Variants in TMTC2 observed in about 807,000 individuals in gnomAD.
The protein encoded by TMTC2 is protein O-mannosyl-transferase TMTC2.
In TMTC2, 43 loss-of-function variants were observed where a neutral mutation model predicts 82.4. The ratio of observed to expected loss-of-function variants is 0.52; its 90% CI spans 0.41 to 0.67. The LOEUF is 0.67. Among genes scored for constraint, TMTC2 ranks in the 30% least tolerant of loss-of-function variants. TMTC2 has a pLI of 0.00. For synonymous variants in TMTC2, 408 were observed against 381.9 expected (o/e 1.07, Z -0.80); for missense variants, 919 against 1,012.4 (o/e 0.91, Z 1.25).
chr12:83,022,622 G>A (rs746516955), intron 8 of TMTC2, among the ~76,000 whole-genome samples: 13 of 151,944 alleles, frequency 8.6e-5, no homozygotes, highest in Non-Finnish European at 1.9e-4. Context: ...GTACTTAGAT[G>A]TACTGTGTTC....
chr12:82,805,028 T>C (rs1472458481), intron 1 of TMTC2, among the ~76,000 whole-genome samples: 1 of 152,100 alleles, frequency 6.6e-6, no homozygotes, highest in Non-Finnish European at 1.5e-5. Flanking sequence ...GGAGACAGGG[T>C]CATTTATAAC....
chr12:82,846,711 G>A (rs987003602), intron 1 of TMTC2, among the ~76,000 whole-genome samples: 4 of 152,088 alleles, frequency 2.6e-5, no homozygotes, highest in Non-Finnish European at 4.4e-5. Context: ...GTTATTCGGG[G>A]TCGCTGACCA....
chr12:83,000,210 C>A (rs1879854039), intron 8 of TMTC2, among the ~76,000 whole-genome samples: 1 of 152,102 alleles, frequency 6.6e-6, no homozygotes, highest in Non-Finnish European at 1.5e-5. Flanking sequence ...TCTTGGCTCA[C>A]TGCAACCTCC....
At chr12:82,823,439 G>T (rs1326582151) in intron 1 of TMTC2, among the ~76,000 whole-genome samples, 1 of 152,080 alleles carries the variant, frequency 6.6e-6, no homozygotes, top group African/African-American at 2.4e-5. Flanking sequence ...CACCTGCCAG[G>T]TATTACTTTT....
chr12:82,741,521 G>A (rs1875407452), intron 1 of TMTC2, among the ~76,000 whole-genome samples: 1 of 152,178 alleles, frequency 6.6e-6, no homozygotes, highest in South Asian at 2.1e-4. Context: ...ATGTTGGTCA[G>A]GCTGGTCTTG....
intron 1 of TMTC2, among the ~76,000 whole-genome samples, chr12:82,770,297 C>T (rs1397324398): frequency 1.3e-5 from 2 of 152,080 alleles, no homozygotes; most frequent in African/African-American, 4.8e-5. Context: ...CAATTTGCTT[C>T]TGGTCATTCT....
chr12:82,707,051 T>C (rs1873394824), intron 1 of TMTC2, among the ~76,000 whole-genome samples: 3 of 152,220 alleles, frequency 2.0e-5, no homozygotes, highest in South Asian at 4.1e-4. Flanking sequence ...TGGTTATAAG[T>C]GATTGTCTCA....
At chr12:82,825,051 G>C (rs1051166836) in intron 1 of TMTC2, among the ~76,000 whole-genome samples, 1 of 151,244 alleles carries the variant, frequency 6.6e-6, no homozygotes, top group African/African-American at 2.4e-5. Flanking sequence ...ATCGTGCCAC[G>C]GCATTCCAGT....
intron 1 of TMTC2, among the ~76,000 whole-genome samples, chr12:82,697,398 GT>G (rs891454723): frequency 6.7e-6 from 1 of 150,094 alleles, no homozygotes; most frequent in Non-Finnish European, 1.5e-5. Flanking sequence ...TTATTCCCAC[GT>G]ACAGCAGATG....
intron 11 of TMTC2, among the ~76,000 whole-genome samples, chr12:83,125,916 A>G (rs10082856): frequency 0.21 from 31,976 of 152,098 alleles, 3,461 homozygotes; most frequent in Middle Eastern, 0.32. Flanking sequence ...TAGCTAGCAA[A>G]GTCAAAGATC....
intron 7 of TMTC2, among the ~76,000 whole-genome samples, chr12:82,983,820 T>C (rs1879036400): frequency 6.6e-6 from 1 of 152,052 alleles, no homozygotes; most frequent in Non-Finnish European, 1.5e-5. Flanking sequence ...GGATATGTTT[T>C]CTCATTAATT....
At position 83,080,365 on chromosome 12, in the gene TMTC2, T is replaced by TTC. The variant is rs367851763; in HGVS notation, c.2331+18554_2331+18555dup. ...TTAAACCACTACTACAGATTCACCT[T>TTC]TCTCTCTCTCTCTCTCTCTCTGTGT... On this transcript the variant is annotated intron_variant, in intron 11 of 11. Transcript: ENST00000321196. Among the ~76,000 whole-genome samples, 691 of 150,280 alleles carry TTC rather than the reference T, an allele frequency of 4.6e-3. 13 individuals carry two copies. Among genetic ancestry groups the TTC allele is most frequent in the Non-Finnish European group, 1.0e-3 (68 of 67,350 alleles).
At chr12:83,120,630 A>G (rs902971634) in intron 11 of TMTC2, among the ~76,000 whole-genome samples, 1 of 152,164 alleles carries the variant, frequency 6.6e-6, no homozygotes, top group Admixed American at 6.5e-5. Context: ...CAGTGTGCCT[A>G]GGTGATGATC....
intron 1 of TMTC2, among the ~76,000 whole-genome samples, chr12:82,762,894 G>A (rs1402755457): frequency 6.6e-6 from 1 of 151,838 alleles, no homozygotes; most frequent in Non-Finnish European, 1.5e-5. Flanking sequence ...ACTTAAAAAA[G>A]GAAAAATCCA....
chr12:82,835,749 C>G (rs151016164), intron 1 of TMTC2, among the ~76,000 whole-genome samples: 1 of 152,198 alleles, frequency 6.6e-6, no homozygotes, highest in African/African-American at 2.4e-5. Flanking sequence ...TTAGGCAGTT[C>G]GCATTGATAT....
chr12:82,709,996 G>T (rs1413663801), intron 1 of TMTC2, among the ~76,000 whole-genome samples: 1 of 152,042 alleles, frequency 6.6e-6, no homozygotes, highest in Non-Finnish European at 1.5e-5. Context: ...TGCTAATGTT[G>T]CTGGGAGCCA....
Position 83,104,872 on chromosome 12 carries a change from TGC to T in TMTC2, c.2332-27337_2332-27336del, listed in dbSNP as rs1179185498. On this transcript the variant is annotated intron_variant, in intron 11 of 11. Transcript: ENST00000321196. Reference sequence around the variant, plus strand: ...AGACTACAGAATGTCCAAACTTTTATGCTCTGCTTCCTCTTTAAATGTAACTT... The same window carrying T: ...AGACTACAGAATGTCCAAACTTTTATTCTGCTTCCTCTTTAAATGTAACTT... Among the ~76,000 whole-genome samples the T allele has an allele frequency of 7.2e-5, 11 of 152,240 alleles. No individual in the cohort carries two copies. The East Asian group carries it at 2.1e-3, about 29-fold the overall frequency.
intron 3 of TMTC2, among the ~76,000 whole-genome samples, chr12:82,929,033 G>A (rs538046128): frequency 1.3e-5 from 2 of 152,100 alleles, no homozygotes; most frequent in East Asian, 3.9e-4. Flanking sequence ...TATTTATTGA[G>A]GGTTTACCAT....
At chr12:82,795,798 G>C (rs1878691002) in intron 1 of TMTC2, among the ~76,000 whole-genome samples, 2 of 152,060 alleles carry the variant, frequency 1.3e-5, no homozygotes, top group African/African-American at 4.8e-5. Flanking sequence ...ACACCTGCCG[G>C]GACCTTGATC....
Sources: gnomAD v4.1 joint callset for allele counts (sites outside exome capture counted in the v4.1 genomes callset) on GRCh38, gnomAD v4.1.1 for gene constraint, MANE v1.5 for transcripts, NCBI Gene and HGNC (gene_info 2026-07-23, HGNC 2026-07-21) for gene names.